Variants in ADGRL3 observed in about 807,000 individuals in gnomAD.
ADGRL3 encodes the protein adhesion G protein-coupled receptor L3.
ADGRL3 carries 62 observed loss-of-function variants against 153.5 expected under a neutral mutation model. The observed-to-expected ratio is 0.40, with a 90% confidence interval of 0.33 to 0.50. The LOEUF is 0.50. ADGRL3 is among the 20% of genes least tolerant of loss of function. ADGRL3 has a pLI of 0.47. For synonymous variants in ADGRL3, 710 were observed against 672.5 expected (o/e 1.06, Z -0.86); for missense variants, 1,641 against 1,859.4 (o/e 0.88, Z 2.16).
chr4:61,853,962 T>C (rs898839298), intron 9 of ADGRL3, among the ~76,000 whole-genome samples: 1 of 152,220 alleles, frequency 6.6e-6, no homozygotes. Flanking sequence ...TATCTATCTT[T>C]TCTGGTAATT....
At chr4:61,227,872 T>G (rs1190356355) in intron 1 of ADGRL3, among the ~76,000 whole-genome samples, 1 of 152,220 alleles carries the variant, frequency 6.6e-6, no homozygotes, top group African/African-American at 2.4e-5. Flanking sequence ...CTATGAAATT[T>G]TGTGTTAAAA....
At chr4:61,826,875 C>A (rs1464675120) in intron 9 of ADGRL3, among the ~76,000 whole-genome samples, 1 of 151,724 alleles carries the variant, frequency 6.6e-6, no homozygotes, top group Non-Finnish European at 1.5e-5. Flanking sequence ...ATGTAACAAG[C>A]CTGCACGTTG....
At chr4:61,277,515 A>C (rs892060606) in intron 1 of ADGRL3, among the ~76,000 whole-genome samples, 1 of 152,050 alleles carries the variant, frequency 6.6e-6, no homozygotes, top group Non-Finnish European at 1.5e-5. Context: ...GGTTTAAATA[A>C]ATTTAAATTA....
intron 6 of ADGRL3, among the ~76,000 whole-genome samples, chr4:61,702,897 T>G (rs1361271853): frequency 6.6e-6 from 1 of 152,186 alleles, no homozygotes; most frequent in East Asian, 1.9e-4. Context: ...TTTCTTGATA[T>G]TCTAGTTATA....
At chr4:61,375,740 T>C (rs2096595381) in intron 1 of ADGRL3, among the ~76,000 whole-genome samples, 2 of 152,158 alleles carry the variant, frequency 1.3e-5, no homozygotes, top group Admixed American at 1.3e-4. Context: ...ATACAGCTCC[T>C]ATAAAGACCA....
chr4:61,360,955 A>G (rs930875715), intron 1 of ADGRL3, among the ~76,000 whole-genome samples: 62 of 152,284 alleles, frequency 4.1e-4, no homozygotes, highest in African/African-American at 1.4e-3. Flanking sequence ...TACTACTATT[A>G]TGTTTGTATT....
intron 5 of ADGRL3, among the ~76,000 whole-genome samples, chr4:61,648,551 T>G (rs898330725): frequency 6.6e-6 from 1 of 151,826 alleles, no homozygotes; most frequent in African/African-American, 2.4e-5. Flanking sequence ...TTTTGGGGTT[T>G]TTTTTAGATT....
intron 6 of ADGRL3, among the ~76,000 whole-genome samples, chr4:61,694,522 T>G (rs2095606009): frequency 6.6e-6 from 1 of 152,232 alleles, no homozygotes; most frequent in Non-Finnish European, 1.5e-5. Context: ...AATTTAAGAA[T>G]ACCTTATTGC....
At chr4:61,522,720 C>T (rs2098538374) in intron 4 of ADGRL3, among the ~76,000 whole-genome samples, 1 of 152,106 alleles carries the variant, frequency 6.6e-6, no homozygotes, top group African/African-American at 2.4e-5. Flanking sequence ...GCTTTAAAAC[C>T]TGTAAGCCAG....
At chr4:61,921,491 T>C (rs552462553) in intron 13 of ADGRL3, among the ~76,000 whole-genome samples, 2 of 152,310 alleles carry the variant, frequency 1.3e-5, no homozygotes, top group South Asian at 2.1e-4. Flanking sequence ...TGATCTCGGC[T>C]CACTGCAACC....
rs542174629 is a variant in ADGRL3 at position 61,249,231 on chromosome 4, C to T, written c.-240+47466C>T. Among the ~76,000 whole-genome samples the T allele has an allele frequency of 7.2e-5, 11 of 152,088 alleles. No individual in the cohort carries two copies. The South Asian group carries it at 8.3e-4, about 11-fold the overall frequency. Reference sequence around the variant, plus strand: ...TTTTTGAAGCTTTCAACATTGTGTTCGGCAAAATCTTTCAGTAAAGGTAAC... The same window carrying T: ...TTTTTGAAGCTTTCAACATTGTGTTTGGCAAAATCTTTCAGTAAAGGTAAC... On this transcript the variant is annotated intron_variant, in intron 1 of 26. Coordinates refer to ENST00000683033, the MANE Select transcript of ADGRL3 (RefSeq NM_001387552.1).
chr4:61,491,170 G>A (rs2098254063), intron 2 of ADGRL3, among the ~76,000 whole-genome samples: 1 of 152,086 alleles, frequency 6.6e-6, no homozygotes, highest in South Asian at 2.1e-4. Flanking sequence ...AGTCTTCCAT[G>A]TAGAACCACT....
chr4:61,581,455 G>T (rs1332920809), intron 4 of ADGRL3, among the ~76,000 whole-genome samples: 5 of 151,912 alleles, frequency 3.3e-5, no homozygotes, highest in Admixed American at 3.3e-4. Flanking sequence ...TGCCCTCCAC[G>T]GGACAATTCC....
intron 1 of ADGRL3, among the ~76,000 whole-genome samples, chr4:61,244,940 G>T (rs1318358141): frequency 6.6e-6 from 1 of 151,922 alleles, no homozygotes; most frequent in Non-Finnish European, 1.5e-5. Flanking sequence ...AAGAGTGTTT[G>T]TTTAGAGATA....
chr4:61,800,830 G>A (rs1210161651), intron 8 of ADGRL3, among the ~76,000 whole-genome samples: 1 of 152,044 alleles, frequency 6.6e-6, no homozygotes, highest in African/African-American at 2.4e-5. Context: ...TGTGTAATAT[G>A]GTCAGGATGA....
chr4:61,479,958 A>G (rs2098114656), intron 2 of ADGRL3, among the ~76,000 whole-genome samples: 1 of 152,162 alleles, frequency 6.6e-6, no homozygotes, highest in South Asian at 2.1e-4. Flanking sequence ...GCATTGTGAA[A>G]TTATTATCAC....
At chr4:61,417,125 C>T (rs2097152508) in intron 2 of ADGRL3, among the ~76,000 whole-genome samples, 2 of 152,144 alleles carry the variant, frequency 1.3e-5, no homozygotes, top group Admixed American at 1.3e-4. Flanking sequence ...TGCTCACCTC[C>T]TGCTGTGCAT....
intron 9 of ADGRL3, among the ~76,000 whole-genome samples, chr4:61,854,699 C>T (rs1300066087): frequency 1.3e-5 from 2 of 151,920 alleles, no homozygotes; most frequent in Non-Finnish European, 1.5e-5. Flanking sequence ...TAACTTGCTA[C>T]CAAAGAATAC....
chr4:61,877,764 G>C lies in ADGRL3; in HGVS notation c.1481-14892G>C, dbSNP rs377286925. 4.0e-3 allele frequency among the ~76,000 whole-genome samples: 607 copies of C among 152,100 alleles called. 6 individuals are homozygous for C. The South Asian group carries it at 0.051, about 13-fold the overall frequency. ...CACGTGGTCATCCTGATATGGTTTG[G>C]CTCTGTGTCACCACCCAAATCTTAT... On this transcript the variant is annotated intron_variant, in intron 9 of 26. Transcript: ENST00000683033.
Sources: gnomAD v4.1 joint callset for allele counts (sites outside exome capture counted in the v4.1 genomes callset) on GRCh38, gnomAD v4.1.1 for gene constraint, MANE v1.5 for transcripts, NCBI Gene and HGNC (gene_info 2026-07-23, HGNC 2026-07-21) for gene names.